TFDP2: variants seen among roughly 807,000 people sequenced by gnomAD.
TFDP2 encodes transcription factor Dp-2.
TFDP2 carries 17 observed loss-of-function variants against 59.3 expected under a neutral mutation model. The ratio of observed to expected loss-of-function variants is 0.29; its 90% confidence interval spans 0.20 to 0.43. TFDP2 has a LOEUF of 0.43. TFDP2 is among the 20% of genes least tolerant of loss of function. The pLI is 1.00. For synonymous variants in TFDP2, 180 were observed against 194.7 expected, an observed-to-expected ratio of 0.92 and a Z score of 0.63; for missense variants, 391 against 528.8, an observed-to-expected ratio of 0.74 and a Z score of 2.56.
intron 6 of TFDP2, among the ~76,000 whole-genome samples, chr3:141,982,199 C>T (rs1017328427): frequency 6.6e-6 from 1 of 151,920 alleles, no homozygotes; most frequent in African/African-American, 2.4e-5. Flanking sequence ...CACTGAAATA[C>T]AATATTTTGG....
chr3:142,086,183 GA>G (rs148550868), intron 3 of TFDP2, among the ~76,000 whole-genome samples: 13,642 of 151,494 alleles, frequency 0.09, 718 homozygotes, highest in Middle Eastern at 0.14. Context: ...TTAAGAATGG[GA>G]AAAAAAACCA....
At position 141,963,834 on chromosome 3, in the gene TFDP2, C is replaced by T; in HGVS notation, c.862G>A (p.Asp288Asn). The T allele has an allele frequency of 2.5e-6, 4 of 1,613,552 alleles. No homozygotes were observed. The highest frequency in any genetic ancestry group is 3.4e-6 in the Non-Finnish European group (4 of 1,179,896). The change falls in exon 10 of 13, where the codon GAT becomes AAT. Residue 288 changes from aspartate (D) to asparagine (N), a missense_variant. Coordinates refer to ENST00000489671, the MANE Select transcript of TFDP2 (RefSeq NM_001178139.2). ...CACTTGTCACTGGAGATGCTGCAATCTATGACTGTTTTTCTGCTTGTATTG... is the reference window on the plus strand; with the variant it reads ...CACTTGTCACTGGAGATGCTGCAATTTATGACTGTTTTTCTGCTTGTATTG... ...IINTSRKTVIDCSISSDKFEY... is the reference protein window; with the variant it reads ...IINTSRKTVINCSISSDKFEY...
rs376943487 is a variant in TFDP2, at chr3:141,989,718, G to C, written c.356+3820C>G. ...CCTGGAGCCTCTCTGTGACAATGTAGGGTACAATGGCTACCATTTCTGATG... is the reference window on the plus strand; with the variant it reads ...CCTGGAGCCTCTCTGTGACAATGTACGGTACAATGGCTACCATTTCTGATG... On this transcript the variant is annotated intron_variant, in intron 6 of 12. Transcript: ENST00000489671. 1.4e-4 allele frequency among the ~76,000 whole-genome samples: 21 copies of C among 152,166 alleles called. No individual in the cohort carries two copies. In the South Asian group the frequency reaches 4.4e-3, roughly 32 times the overall value.
At chr3:141,973,810 C>T (rs1940203749) in intron 8 of TFDP2, among the ~76,000 whole-genome samples, 1 of 150,132 alleles carries the variant, frequency 6.7e-6, no homozygotes, top group African/African-American at 2.5e-5. Context: ...CTCTAAGAAA[C>T]AGTAAAATCA....
chr3:142,099,685 G>A (rs1288878911), intron 2 of TFDP2, among the ~76,000 whole-genome samples: 1 of 146,008 alleles, frequency 6.8e-6, no homozygotes, highest in Non-Finnish European at 1.5e-5. Flanking sequence ...GGGCAACAGA[G>A]CAAGACTCCA....
chr3:142,026,268 T>C (rs1380879798), intron 3 of TFDP2, among the ~76,000 whole-genome samples: 1 of 151,920 alleles, frequency 6.6e-6, no homozygotes, highest in African/African-American at 2.4e-5. Context: ...GGCAGGTGAA[T>C]GGTGTGAACC....
At chr3:141,984,971 T>C (rs563498234) in intron 6 of TFDP2, among the ~76,000 whole-genome samples, 60 of 152,194 alleles carry the variant, frequency 3.9e-4, no homozygotes, top group African/African-American at 1.4e-3. Flanking sequence ...GACTACCCCA[T>C]AGGCAACGTG....
At chr3:141,981,456 A>G (rs1559967979) in intron 6 of TFDP2, among the ~76,000 whole-genome samples, 1 of 152,218 alleles carries the variant, frequency 6.6e-6, no homozygotes, top group Non-Finnish European at 1.5e-5. Context: ...TACATGTTCT[A>G]TGTTATGTAC....
intron 5 of TFDP2, 180 bp downstream of exon 5, chr3:141,994,840 A>C (rs748057008): frequency 2.6e-4 from 127 of 495,436 alleles, no homozygotes; most frequent in Non-Finnish European, 3.7e-4. Flanking sequence ...CTGTTTAAAA[A>C]TAGTTATTCC....
intron 1 of TFDP2, among the ~76,000 whole-genome samples, chr3:142,134,544 T>C (rs1197660789): frequency 2.0e-5 from 3 of 152,026 alleles, no homozygotes; most frequent in African/African-American, 7.2e-5. Flanking sequence ...AAATAAATAG[T>C]TGGTGGGCTG....
intron 2 of TFDP2, among the ~76,000 whole-genome samples, chr3:142,096,422 A>C (rs1298978312): frequency 6.6e-6 from 1 of 152,188 alleles, no homozygotes; most frequent in East Asian, 1.9e-4. Context: ...TCAATGAACA[A>C]GAGAAAAAAG....
rs1003100827 is a variant in TFDP2 at position 142,028,506 on chromosome 3, T to C, written c.83-22962A>G. ...TGGCTATTTATCAATTTAATATTGC[T>C]GCTGCTTAAAGAATATAAAATAAGA... On this transcript the variant is annotated intron_variant, in intron 3 of 12. Coordinates refer to ENST00000489671, the MANE Select transcript of TFDP2 (RefSeq NM_001178139.2). 1.2e-5 allele frequency: 11 copies of C among 951,438 alleles called. No homozygotes were observed. In the African/African-American group the frequency reaches 1.6e-4, roughly 14 times the overall value. 58.9% of individuals were successfully genotyped at this position (951,438 alleles called of 1,614,324 possible). A position where few individuals can be genotyped will look rare whatever the true frequency, so the allele number is the denominator to read the frequency against.
chr3:141,952,792 G>A, intron 12 of TFDP2, 96 bp from the exon 13 acceptor site: 1 of 1,566,706 alleles, frequency 6.4e-7, no homozygotes, highest in Non-Finnish European at 8.8e-7. Flanking sequence ...CCATTGGTGA[G>A]ATCTGCCACA....
intron 8 of TFDP2, 28 bp from the exon 9 acceptor site, chr3:141,970,169 T>C (rs1463019756): frequency 6.3e-7 from 1 of 1,598,926 alleles, no homozygotes; most frequent in African/African-American, 1.3e-5. Context: ...CAAAATAATA[T>C]GAACATAGGT....
chr3:141,963,735 T>A (rs1937580074), intron 10 of TFDP2, 77 bp downstream of exon 10: 4 of 1,497,328 alleles, frequency 2.7e-6, no homozygotes, highest in South Asian at 1.3e-5. Context: ...ATAAAGTGCA[T>A]CCTTCTTGAG....
intron 10 of TFDP2, among the ~76,000 whole-genome samples, chr3:141,963,538 A>G (rs575825543): frequency 6.6e-6 from 1 of 152,318 alleles, no homozygotes; most frequent in Non-Finnish European, 1.5e-5. Context: ...TACCACATAC[A>G]TGCAGCACGT....
Position 141,948,922 on chromosome 3 carries a change from G to C in TFDP2, c.*3591C>G, listed in dbSNP as rs1482579860. The C allele has an allele frequency of 6.6e-6, 1 of 151,906 alleles. No homozygotes were observed. The highest frequency in any genetic ancestry group is 1.5e-5 in the Non-Finnish European group (1 of 68,104). 9.4% of individuals were successfully genotyped at this position (151,906 alleles called of 1,614,324 possible). On this transcript the variant is annotated 3_prime_UTR_variant, in exon 13 of 13. Coordinates refer to ENST00000489671, the MANE Select transcript of TFDP2 (RefSeq NM_001178139.2). ...GATCGAGACCATCCTGGCTAACACG[G>C]TGAAACCCCGTCTCTACTAAAAATA...
chr3:141,981,351 C>T (rs750056616), intron 6 of TFDP2, among the ~76,000 whole-genome samples: 5 of 152,166 alleles, frequency 3.3e-5, no homozygotes, highest in Non-Finnish European at 7.4e-5. Context: ...TGATGATGTT[C>T]ACACAACGAT....
intron 3 of TFDP2, among the ~76,000 whole-genome samples, chr3:142,071,996 T>G (rs1477435999): frequency 6.6e-6 from 1 of 152,008 alleles, no homozygotes; most frequent in African/African-American, 2.4e-5. Context: ...ACTAAAGCTA[T>G]AAGAATAGGT....
Sources: allele counts gnomAD v4.1 joint callset (sites outside exome capture counted in the v4.1 genomes callset), GRCh38; gene constraint gnomAD v4.1.1; transcripts MANE v1.5; gene names NCBI Gene and HGNC (gene_info 2026-07-23, HGNC 2026-07-21).